DCX: variants seen among roughly 807,000 people sequenced by gnomAD.
DCX encodes neuronal migration protein doublecortin.
Under a neutral mutation model 20.9 loss-of-function variants are expected in DCX, and 4 were observed. That is an observed-to-expected ratio of 0.19 (90% confidence interval 0.09 to 0.44). DCX has a LOEUF of 0.44. DCX is among the 20% of genes least tolerant of loss of function. DCX has a pLI of 0.99. For synonymous variants in DCX, 103 were observed against 111.4 expected, an observed-to-expected ratio of 0.92 and a Z score of 0.47; for missense variants, 133 against 296.9, an observed-to-expected ratio of 0.45 and a Z score of 4.06.
intron 5 of DCX, among the ~76,000 whole-genome samples, chrX:111,324,814 A>G (rs1464698736): frequency 8.9e-6 from 1 of 111,743 alleles, no homozygotes; most frequent in Non-Finnish European, 1.9e-5. Flanking sequence ...ACCTAGCACT[A>G]CTAAGTACTT....
intron 3 of DCX, among the ~76,000 whole-genome samples, chrX:111,343,978 T>G (rs1166968195): frequency 9.0e-6 from 1 of 110,626 alleles, no homozygotes; most frequent in Non-Finnish European, 1.9e-5. Flanking sequence ...CGAGACTCCA[T>G]CTCAAAAAAA....
In DCX at chrX:111,410,258, A is replaced by G; in HGVS notation, c.141T>C (p.Ser47=). The part of the protein sequence containing the change: ...FYRTRTLQAL[S]NEKKAKKVRF... ...GTACCTTCTTGGCTTTCTTCTCATT[A>G]CTCAGTGCCTGCAAGGTTCTGGTTC... Residue 47 remains serine (S), a synonymous_variant, in exon 2 of 7, where the codon AGT becomes AGC. Coordinates refer to ENST00000636035, the MANE Select transcript of DCX (RefSeq NM_001195553.2). 8.3e-7 allele frequency: 1 copy of G among 1,211,118 alleles called. No individual in the cohort carries two copies. Among genetic ancestry groups the G allele is most frequent in the Non-Finnish European group, 1.1e-6 (1 of 895,338 alleles).
chrX:111,342,783 C>T (rs1922404191), intron 3 of DCX, among the ~76,000 whole-genome samples: 1 of 110,895 alleles, frequency 9.0e-6, no homozygotes, highest in African/African-American at 3.3e-5. Flanking sequence ...CACACAATTA[C>T]ATGGAAATTG....
At chrX:111,334,287 T>C (rs967436136) in intron 3 of DCX, among the ~76,000 whole-genome samples, 84 of 112,210 alleles carry the variant, frequency 7.5e-4, no homozygotes, top group African/African-American at 2.7e-3. Flanking sequence ...TGTGTCAGCC[T>C]CCCAATCATC....
intron 3 of DCX, among the ~76,000 whole-genome samples, chrX:111,368,797 T>C (rs983096748): frequency 9.1e-6 from 1 of 110,313 alleles, no homozygotes; most frequent in Non-Finnish European, 1.9e-5. Context: ...ACCACATTTA[T>C]ATTAATATAT....
At chrX:111,397,334 G>A in intron 3 of DCX, among the ~76,000 whole-genome samples, 2 of 111,511 alleles carry the variant, frequency 1.8e-5, no homozygotes, top group Middle Eastern at 4.6e-3. Context: ...TTACAAATAA[G>A]TGCCTTGTGT....
At chrX:111,404,482 G>C (rs1928060137) in intron 2 of DCX, among the ~76,000 whole-genome samples, 2 of 112,054 alleles carry the variant, frequency 1.8e-5, no homozygotes, top group Non-Finnish European at 3.8e-5. Context: ...GATATTTATC[G>C]TCGTCAAGAG....
intron 6 of DCX, among the ~76,000 whole-genome samples, chrX:111,305,796 A>G (rs902110199): frequency 9.0e-6 from 1 of 110,962 alleles, no homozygotes; most frequent in South Asian, 3.8e-4. Flanking sequence ...AGGAGAAAAA[A>G]GGAGTGGGAA....
rs767518870 is a variant in DCX, at chrX:111,297,188, A to C, written c.*4499T>G. 8.9e-6 allele frequency: 1 copy of C among 112,046 alleles called. No individual in the cohort carries two copies. The highest frequency in any genetic ancestry group is 1.9e-5 in the Non-Finnish European group (1 of 53,241). 9.2% of individuals were successfully genotyped at this position (112,046 alleles called of 1,213,427 possible). On this transcript the variant is annotated 3_prime_UTR_variant, in exon 7 of 7. Coordinates refer to ENST00000636035, the MANE Select transcript of DCX (RefSeq NM_001195553.2). ...TCTTTTTAAAAAATCAATGCCTTTT[A>C]TTTCCATAGCAAACTGGACAACCAT...
chrX:111,389,764 A>G (rs1167290274), intron 3 of DCX, among the ~76,000 whole-genome samples: 1 of 111,434 alleles, frequency 9.0e-6, no homozygotes, highest in Non-Finnish European at 1.9e-5. Flanking sequence ...TCCCTGCCTC[A>G]GTGAGTGGCC....
At chrX:111,393,225 T>C (rs1020081538) in intron 3 of DCX, among the ~76,000 whole-genome samples, 3 of 111,572 alleles carry the variant, frequency 2.7e-5, no homozygotes, top group Admixed American at 9.5e-5. Flanking sequence ...TTAAGAAAAC[T>C]GTCTTATCTT....
intron 5 of DCX, among the ~76,000 whole-genome samples, chrX:111,319,574 G>A (rs904030446): frequency 9.8e-5 from 11 of 112,023 alleles, no homozygotes; most frequent in East Asian, 5.6e-4. Context: ...CTGTGGAGTC[G>A]CAATGGGGCA....
chrX:111,306,952 C>T (rs1183763427), intron 6 of DCX, among the ~76,000 whole-genome samples: 1 of 111,049 alleles, frequency 9.0e-6, no homozygotes, highest in Admixed American at 9.6e-5. Context: ...TTCAAATATG[C>T]TATCCCATAG....
At chrX:111,333,549 ATCT>A (rs1476102766) in intron 3 of DCX, among the ~76,000 whole-genome samples, 2 of 111,961 alleles carry the variant, frequency 1.8e-5, no homozygotes, top group Non-Finnish European at 3.8e-5. Context: ...GATGAGAAAA[ATCT>A]TCTGCAGCCT....
rs183404941 is a variant in DCX at position 111,350,930 on chromosome X, G to A, written c.706-17777C>T. Among the ~76,000 whole-genome samples, 6 of 112,126 alleles carry A rather than the reference G, an allele frequency of 5.4e-5. No homozygotes were observed. The East Asian group carries it at 1.7e-3, about 32-fold the overall frequency. On this transcript the variant is annotated intron_variant, in intron 3 of 6. Coordinates refer to ENST00000636035, the MANE Select transcript of DCX (RefSeq NM_001195553.2). The stretch of plus-strand genomic sequence containing the variant: ...CATGGTGGCAGAGAAGAGGGAATGA[G>A]AACCAAGTGAAAGGGGTTTCCCCCT...
chrX:111,400,536 T>C (rs1372410319), intron 3 of DCX, among the ~76,000 whole-genome samples: 1 of 112,626 alleles, frequency 8.9e-6, no homozygotes, highest in Admixed American at 9.4e-5. Flanking sequence ...ATCTGACTTC[T>C]TTCAGAGCAT....
intron 3 of DCX, among the ~76,000 whole-genome samples, chrX:111,352,251 A>G (rs1053443950): frequency 8.9e-6 from 1 of 111,812 alleles, no homozygotes; most frequent in African/African-American, 3.3e-5. Flanking sequence ...GCCAGGGTTG[A>G]GAAGCCCTGT....
At chrX:111,316,087 A>AAATAAAT (rs1491186319) in intron 5 of DCX, among the ~76,000 whole-genome samples, 17 of 45,409 alleles carry the variant, frequency 3.7e-4, no homozygotes, top group African/African-American at 1.2e-3. Context: ...AATAAAAAAT[A>AAATAAAT]AAAAAAAAAA....
intron 3 of DCX, among the ~76,000 whole-genome samples, chrX:111,339,310 T>A (rs1922017674): frequency 8.9e-6 from 1 of 111,792 alleles, no homozygotes; most frequent in African/African-American, 3.3e-5. Flanking sequence ...TGGGGTTTTT[T>A]AGAGATGATT....
Sources: allele counts gnomAD v4.1 joint callset (sites outside exome capture counted in the v4.1 genomes callset), GRCh38; gene constraint gnomAD v4.1.1; transcripts MANE v1.5; gene names NCBI Gene and HGNC (gene_info 2026-07-23, HGNC 2026-07-21).